SYNE1: variants seen among roughly 807,000 people sequenced by gnomAD.
SYNE1 encodes spectrin repeat containing nuclear envelope protein 1.
In SYNE1, 616 loss-of-function variants were observed where a neutral mutation model predicts 1,111.0. That is an observed-to-expected ratio of 0.55 (90% confidence interval 0.52 to 0.59). The LOEUF is 0.59. SYNE1 is among the 20% of genes least tolerant of loss of function. SYNE1 has a pLI of 0.00. For synonymous variants in SYNE1, 3,855 were observed against 3,825.8 expected (o/e 1.01, Z -0.28); for missense variants, 10,006 against 10,417.0 (o/e 0.96, Z 1.72).
In SYNE1 at chr6:152,483,130, G is replaced by A. The variant is rs539575253; in HGVS notation, c.1305C>T (p.His435=). The A allele has an allele frequency of 1.6e-5, 26 of 1,614,146 alleles. No homozygotes were observed. The highest frequency in any genetic ancestry group is 2.2e-5 in the East Asian group (1 of 44,878). The change falls in exon 14 of 146, where the codon CAC becomes CAT. Residue 435 remains histidine (H), a synonymous_variant. Transcript: ENST00000367255. ...LREEITVQQV[H]EETANTIQRK... ...GTTGTATCGTGTTTGCTGTTTCCTC[G>A]TGGACCTGTTGAACGGTTATTTCCT...
intron 142 of SYNE1, 189 bp downstream of exon 142, chr6:152,134,915 C>G: frequency 6.2e-6 from 4 of 649,888 alleles, no homozygotes; most frequent in Non-Finnish European, 1.0e-5. Flanking sequence ...TAGCAGATAT[C>G]ATCTTCTATG....
chr6:152,430,254 A>G, intron 35 of SYNE1, 44 bp from the exon 36 acceptor site: 1 of 1,481,142 alleles, frequency 6.8e-7, no homozygotes, highest in Non-Finnish European at 9.3e-7. Flanking sequence ...GGAAAGATAC[A>G]TAGCAAGACA....
chr6:152,302,544 T>C (rs1482176585), intron 91 of SYNE1, among the ~76,000 whole-genome samples: 1 of 152,238 alleles, frequency 6.6e-6, no homozygotes, highest in Non-Finnish European at 1.5e-5. Flanking sequence ...CAGTCATTTA[T>C]TTTACATAGG....
chr6:152,573,322 T>TCCCC (rs147968366), intron 3 of SYNE1, among the ~76,000 whole-genome samples: 2 of 121,766 alleles, frequency 1.6e-5, no homozygotes, highest in Admixed American at 8.5e-5. Flanking sequence ...CCTAATGCTA[T>TCCCC]CCCCCCCCCT....
chr6:152,328,572 A>C (rs914088234), intron 78 of SYNE1, among the ~76,000 whole-genome samples: 2 of 143,538 alleles, frequency 1.4e-5, no homozygotes, highest in African/African-American at 5.1e-5. Flanking sequence ...AACCCAGCTA[A>C]TTTTTTTTTT....
At chr6:152,543,010 T>C (rs1420214799) in intron 3 of SYNE1, among the ~76,000 whole-genome samples, 1 of 152,122 alleles carries the variant, frequency 6.6e-6, no homozygotes, top group Non-Finnish European at 1.5e-5. Context: ...TATGTTAATG[T>C]TATACTGTCA....
At chr6:152,536,094 G>A (rs1318096125) in intron 4 of SYNE1, among the ~76,000 whole-genome samples, 2 of 151,368 alleles carry the variant, frequency 1.3e-5, no homozygotes, top group African/African-American at 2.4e-5. Context: ...TCAGAGAAGG[G>A]GAGATATCTC....
chr6:152,350,113 C>T lies in SYNE1; in HGVS notation c.11901+55G>A, dbSNP rs185145280. On this transcript the variant is annotated intron_variant, in intron 72 of 145. Coordinates refer to ENST00000367255, the MANE Select transcript of SYNE1 (RefSeq NM_182961.4). ...ATGCACACACATGCACAGACACATG[C>T]GTACACACACTGGTGAAGCCATCCC... The T allele has an allele frequency of 2.2e-4, 354 of 1,599,098 alleles. 2 individuals are homozygous for T. In the Middle Eastern group the frequency reaches 4.1e-3, roughly 18 times the overall value.
chr6:152,176,224 T>G (rs974076267), intron 130 of SYNE1, among the ~76,000 whole-genome samples, 170 bp downstream of exon 130: 3 of 152,176 alleles, frequency 2.0e-5, no homozygotes, highest in Admixed American at 2.0e-4. Context: ...AGGAGAATTT[T>G]CAAGGTAACT....
chr6:152,162,024 G>A (rs1488862537), intron 131 of SYNE1, among the ~76,000 whole-genome samples: 1 of 152,164 alleles, frequency 6.6e-6, no homozygotes, highest in Non-Finnish European at 1.5e-5. Flanking sequence ...CAAACCCAGA[G>A]TCCCTCTGGT....
intron 124 of SYNE1, 88 bp downstream of exon 124, chr6:152,211,406 T>TCA: frequency 9.0e-7 from 1 of 1,109,318 alleles, no homozygotes; most frequent in Non-Finnish European, 1.4e-6. Flanking sequence ...TCAGGAAGAT[T>TCA]GGATATATGC....
At chr6:152,541,941 C>T (rs1284293530) in intron 3 of SYNE1, among the ~76,000 whole-genome samples, 2 of 151,436 alleles carry the variant, frequency 1.3e-5, no homozygotes, top group African/African-American at 2.4e-5. Flanking sequence ...AACCCCTGCA[C>T]CTAAAATAAA....
At chr6:152,217,731 C>A (rs898939497) in intron 121 of SYNE1, among the ~76,000 whole-genome samples, 1 of 151,832 alleles carries the variant, frequency 6.6e-6, no homozygotes, top group Non-Finnish European at 1.5e-5. Flanking sequence ...TGGAGAGGGA[C>A]CAGCCGTGGA....
chr6:152,171,322 T>C (rs1336404955), intron 130 of SYNE1, among the ~76,000 whole-genome samples: 2 of 152,218 alleles, frequency 1.3e-5, no homozygotes, highest in Non-Finnish European at 2.9e-5. Context: ...TGTGTATGCT[T>C]TCATTTGTGT....
At chr6:152,475,748 A>C (rs1244001117) in intron 14 of SYNE1, among the ~76,000 whole-genome samples, 2 of 152,224 alleles carry the variant, frequency 1.3e-5, no homozygotes, top group Non-Finnish European at 2.9e-5. Context: ...CAAAGGAAGC[A>C]AGTGTTATAG....
In SYNE1 at chr6:152,311,004, T is replaced by A. The variant is rs555434948; in HGVS notation, c.16711-131A>T. The A allele has an allele frequency of 4.5e-6, 4 of 895,528 alleles. No homozygotes were observed. The South Asian group carries it at 5.7e-5, about 13-fold the overall frequency. The allele number at this position is 895,528 out of a possible 1,614,324, so 55.5% of individuals were successfully genotyped here. A position where few individuals can be genotyped will look rare whatever the true frequency, so the allele number is the denominator to read the frequency against. ...TATTGTGTTTAACCTTCACCCCCCA[T>A]GACCACTTTCTACTTGGTAGCCACT... On this transcript the variant is annotated intron_variant, in intron 87 of 145. Coordinates refer to ENST00000367255, the MANE Select transcript of SYNE1 (RefSeq NM_182961.4).
Position 152,577,780 on chromosome 6 carries a change from GT to G in SYNE1, c.68-37760del, listed in dbSNP as rs3076666. ...ATTACAAGCTTGAGTTTTCTGTTTT[GT>G]TTTTTTTTTTAATTTAGATTTGTAA... On this transcript the variant is annotated intron_variant, in intron 3 of 145. Transcript: ENST00000367255. Among the ~76,000 whole-genome samples, 98 of 147,086 alleles carry G rather than the reference GT, an allele frequency of 6.7e-4. 1 individual carries two copies. Among genetic ancestry groups the G allele is most frequent in the Admixed American group, 1.7e-3 (25 of 14,830 alleles).
chr6:152,351,955 C>A (rs1204427021), intron 70 of SYNE1, 72 bp downstream of exon 70: 4 of 1,448,834 alleles, frequency 2.8e-6, no homozygotes, highest in Non-Finnish European at 9.6e-7. Context: ...TGACACCCAG[C>A]AAGAATCACC....
chr6:152,241,375 G>C (rs1248780924), intron 107 of SYNE1, among the ~76,000 whole-genome samples: 4 of 152,118 alleles, frequency 2.6e-5, no homozygotes, highest in Admixed American at 1.3e-4. Context: ...AATGGTAGAA[G>C]ATTTTAAACT....
Sources: allele counts gnomAD v4.1 joint callset (sites outside exome capture counted in the v4.1 genomes callset), GRCh38; gene constraint gnomAD v4.1.1; transcripts MANE v1.5; gene names NCBI Gene and HGNC (gene_info 2026-07-23, HGNC 2026-07-21).